TMCC1: variants seen among roughly 807,000 people sequenced by gnomAD.
TMCC1 encodes the protein transmembrane and coiled-coil domains protein 1.
TMCC1 carries 15 observed loss-of-function variants against 52.4 expected under a neutral mutation model. The ratio of observed to expected loss-of-function variants is 0.29; its 90% CI spans 0.19 to 0.44. TMCC1 has a LOEUF of 0.44. Among genes scored for constraint, TMCC1 ranks in the 20% least tolerant of loss-of-function variants. The pLI is 1.00. For missense variants in TMCC1, 503 were observed against 806.0 expected (o/e 0.62, Z 4.55); for synonymous variants, 279 against 301.9 (o/e 0.92, Z 0.79).
chr3:129,670,506 G>A lies in TMCC1; in HGVS notation c.1335C>T (p.Ser445=), dbSNP rs2108886703. Residue 445 remains serine (S), a synonymous_variant, in exon 5 of 7, where the codon TCC becomes TCT. Transcript: ENST00000393238. ...STTGGIAVGA[S]SSKTNTLDMQ... ...TGTCCAGGGTGTTTGTTTTGGAGCT[G>A]GATGCTCCTACAGCGATGCCCCCTG... The A allele has an allele frequency of 6.2e-7, 1 of 1,614,168 alleles. No individual in the cohort carries two copies. Among genetic ancestry groups the A allele is most frequent in the Non-Finnish European group, 8.5e-7 (1 of 1,180,026 alleles).
intron 4 of TMCC1, among the ~76,000 whole-genome samples, chr3:129,775,487 T>G (rs1025047954): frequency 6.6e-6 from 1 of 151,840 alleles, no homozygotes; most frequent in African/African-American, 2.4e-5. Flanking sequence ...AAAAAGAAAT[T>G]AAACATAATA....
intron 4 of TMCC1, among the ~76,000 whole-genome samples, chr3:129,772,252 T>TG (rs2054649025): frequency 6.6e-6 from 1 of 151,830 alleles, no homozygotes. Context: ...CAGGCTGAGG[T>TG]GGGAGGATTG....
chr3:129,798,524 CAAAAAAAAAAAAAA>C (rs796919072), intron 4 of TMCC1, among the ~76,000 whole-genome samples: 1 of 67,900 alleles, frequency 1.5e-5, no homozygotes, highest in African/African-American at 4.6e-5. Flanking sequence ...TCTTCCTATC[CAAAAAAAAAAAAAA>C]AAAAAAAAGG....
intron 4 of TMCC1, among the ~76,000 whole-genome samples, chr3:129,826,330 CCT>C (rs1357197030): frequency 2.7e-5 from 4 of 146,512 alleles, no homozygotes; most frequent in Non-Finnish European, 6.0e-5. Flanking sequence ...GGCAAAATCT[CCT>C]CTCTACAAAA....
At chr3:129,694,244 G>C (rs575286763) in intron 4 of TMCC1, among the ~76,000 whole-genome samples, 1 of 152,334 alleles carries the variant, frequency 6.6e-6, no homozygotes, top group South Asian at 2.1e-4. Context: ...GAATCCTTAC[G>C]AAAACGTCCA....
intron 4 of TMCC1, among the ~76,000 whole-genome samples, chr3:129,719,618 T>C (rs1268809524): frequency 6.6e-6 from 1 of 152,152 alleles, no homozygotes; most frequent in Non-Finnish European, 1.5e-5. Flanking sequence ...AGAGTCAGAA[T>C]TGAATTGAAT....
intron 4 of TMCC1, among the ~76,000 whole-genome samples, chr3:129,706,550 T>G (rs960950379): frequency 6.6e-6 from 1 of 152,132 alleles, no homozygotes; most frequent in Non-Finnish European, 1.5e-5. Flanking sequence ...ATAAAGTGAC[T>G]CACTCCAAAA....
chr3:129,841,527 G>A (rs1311460897), intron 2 of TMCC1, among the ~76,000 whole-genome samples: 13 of 152,174 alleles, frequency 8.5e-5, no homozygotes, highest in Admixed American at 7.9e-4. Flanking sequence ...AGGTTGCAGT[G>A]AGCCAAGATC....
chr3:129,726,180 T>C (rs1023085353), intron 4 of TMCC1, among the ~76,000 whole-genome samples: 1 of 152,202 alleles, frequency 6.6e-6, no homozygotes, highest in African/African-American at 2.4e-5. Flanking sequence ...AGTGAAACTT[T>C]TGCAGCTCTA....
intron 4 of TMCC1, among the ~76,000 whole-genome samples, chr3:129,800,830 T>C (rs1180752286): frequency 1.3e-5 from 2 of 152,110 alleles, no homozygotes; most frequent in African/African-American, 4.8e-5. Flanking sequence ...TATTTTTCAC[T>C]ATGTTGCAAA....
chr3:129,707,432 T>G (rs530426275), intron 4 of TMCC1, among the ~76,000 whole-genome samples: 21 of 152,240 alleles, frequency 1.4e-4, no homozygotes, highest in African/African-American at 3.4e-4. Flanking sequence ...GGAGACAAAT[T>G]TATCACATAC....
At chr3:129,870,463 A>C (rs917747534) in intron 2 of TMCC1, among the ~76,000 whole-genome samples, 7 of 152,014 alleles carry the variant, frequency 4.6e-5, no homozygotes, top group African/African-American at 1.7e-4. Context: ...GAGGCTGGAC[A>C]GCGTGGAAGC....
At chr3:129,818,534 TTTTAAAGAAAAGTTTTA>T (rs2058240655) in intron 4 of TMCC1, among the ~76,000 whole-genome samples, 1 of 1,284 alleles carries the variant, frequency 7.8e-4, no homozygotes, top group African/African-American at 1.6e-3. Context: ...TTAAAGAAAC[TTTTAAAGAAAAGTTTTA>T]AAGAAACTTT....
chr3:129,754,838 G>A (rs1448403966), intron 4 of TMCC1, among the ~76,000 whole-genome samples: 4 of 152,202 alleles, frequency 2.6e-5, no homozygotes, highest in Admixed American at 2.0e-4. Flanking sequence ...AGCACTTTGG[G>A]AGGCTGAGGT....
chr3:129,808,286 C>T (rs1034167597), intron 4 of TMCC1, among the ~76,000 whole-genome samples: 2 of 151,948 alleles, frequency 1.3e-5, no homozygotes, highest in Admixed American at 6.6e-5. Context: ...AGTTTGAGAC[C>T]AGCCTGGCCA....
rs889797500 is a variant in TMCC1, at chr3:129,671,141, T to C, written c.700A>G (p.Ile234Val). ...AGGATCTTCTGCTGCAGGTGAGCAA[T>C]GGCAGCCTTTGTGCGCTGAGGGTCT... ...TPDPQRTKAA[I>V]AHLQQKILKL... The change falls in exon 5 of 7, where the codon ATT becomes GTT. Residue 234 changes from isoleucine (I) to valine (V), a missense_variant. Physicochemically the swap from Ile to Val is conservative, Grantham distance 29. Around this residue, in one of 7 missense-constraint regions of TMCC1, gnomAD observed 217 missense variants for 297.9 expected, o/e 0.73. Coordinates refer to ENST00000393238, the MANE Select transcript of TMCC1 (RefSeq NM_001017395.5). 4 of 1,614,066 alleles carry C rather than the reference T, an allele frequency of 2.5e-6. No individual in the cohort carries two copies. Among genetic ancestry groups the C allele is most frequent in the Non-Finnish European group, 3.4e-6 (4 of 1,180,040 alleles).
chr3:129,712,001 C>CA (rs71155567), intron 4 of TMCC1, among the ~76,000 whole-genome samples: 31,152 of 47,618 alleles, frequency 0.65, 12,571 homozygotes, highest in Non-Finnish European at 0.79. Context: ...GACTCTGTCT[C>CA]AAAAAAAAAA....
chr3:129,818,412 TAAAGAA>T (rs1560482448), intron 4 of TMCC1, among the ~76,000 whole-genome samples: 1 of 149,032 alleles, frequency 6.7e-6, no homozygotes, highest in Non-Finnish European at 1.5e-5. Context: ...AAGAAACTTT[TAAAGAA>T]AAGTTTTAAA....
intron 2 of TMCC1, chr3:129,860,897 C>T (rs550483291): frequency 6.6e-6 from 1 of 152,362 alleles, no homozygotes; most frequent in East Asian, 1.9e-4. Flanking sequence ...CATGCCCAGC[C>T]ACTTTTACAA....
Sources: allele counts gnomAD v4.1 joint callset (sites outside exome capture counted in the v4.1 genomes callset), GRCh38; gene constraint gnomAD v4.1.1; regional missense constraint gnomAD v4.1.1; transcripts MANE v1.5; gene names NCBI Gene and HGNC (gene_info 2026-07-23, HGNC 2026-07-21).